EGFR: variants seen among roughly 807,000 people sequenced by gnomAD.
The protein encoded by EGFR is epidermal growth factor receptor.
Under a neutral mutation model 143.0 loss-of-function variants are expected in EGFR, and 58 were observed. The ratio of observed to expected loss-of-function variants is 0.41; its 90% confidence interval spans 0.33 to 0.50. The LOEUF (loss-of-function observed/expected upper bound fraction) is 0.50. Ranked by LOEUF, EGFR falls within the 20% of genes least tolerant of loss-of-function variation. The pLI is 0.39. For synonymous variants in EGFR, 613 were observed against 594.4 expected (o/e 1.03, Z -0.45); for missense variants, 1,307 against 1,579.0 (o/e 0.83, Z 2.92).
At chr7:55,050,697 G>A (rs980216253) in intron 1 of EGFR, among the ~76,000 whole-genome samples, 7 of 152,150 alleles carry the variant, frequency 4.6e-5, no homozygotes, top group African/African-American at 1.7e-4. Context: ...CTTCTTGCTT[G>A]TCATCCTTGG....
chr7:55,074,585 A>G (rs1790029269), intron 1 of EGFR, among the ~76,000 whole-genome samples: 1 of 152,268 alleles, frequency 6.6e-6, no homozygotes, highest in South Asian at 2.1e-4. Context: ...TATTTTAAAT[A>G]TCGTCTTGCT....
At chr7:55,138,020 T>C (rs148402130) in intron 1 of EGFR, among the ~76,000 whole-genome samples, 45 of 152,328 alleles carry the variant, frequency 3.0e-4, no homozygotes, top group Non-Finnish European at 5.6e-4. Flanking sequence ...CTCTGGTTAG[T>C]GATATACCAA....
intron 1 of EGFR, among the ~76,000 whole-genome samples, chr7:55,078,036 C>A (rs1357311830): frequency 6.6e-6 from 1 of 152,088 alleles, no homozygotes; most frequent in Non-Finnish European, 1.5e-5. Context: ...GTAAGGTACG[C>A]CCAGGAACAG....
rs188398010 is a variant in EGFR at position 55,097,312 on chromosome 7, A to G, written c.89-44974A>G. ...ATGGCCTGGATGCTCTCAGATCTAC[A>G]GGGGAAGGGAAGGTCACACAGTCAT... is the stretch of plus-strand genomic sequence containing the variant. On this transcript the variant is annotated intron_variant, in intron 1 of 27. Transcript: ENST00000275493. 2.7e-3 allele frequency among the ~76,000 whole-genome samples: 405 copies of G among 152,264 alleles called. 1 individual carries two copies. The highest frequency in any genetic ancestry group is 4.3e-3 in the Non-Finnish European group (293 of 68,022).
At chr7:55,099,138 G>A (rs7793720) in intron 1 of EGFR, among the ~76,000 whole-genome samples, 2,030 of 152,214 alleles carry the variant, frequency 0.013, 21 homozygotes, top group Non-Finnish European at 0.02. Context: ...TTCACACATC[G>A]TGGTGGTGGC....
chr7:55,167,363 TTGA>T (rs1166214415), intron 15 of EGFR, among the ~76,000 whole-genome samples: 3 of 64,536 alleles, frequency 4.6e-5, no homozygotes, highest in African/African-American at 2.1e-4. Flanking sequence ...GGTGGTGGTG[TTGA>T]TGGTGGTGAT....
At chr7:55,094,474 G>A (rs1374872856) in intron 1 of EGFR, among the ~76,000 whole-genome samples, 1 of 152,212 alleles carries the variant, frequency 6.6e-6, no homozygotes, top group Non-Finnish European at 1.5e-5. Flanking sequence ...CTAAGATGTA[G>A]GCAGTTGATC....
At chr7:55,175,708 G>T (rs918150916) in intron 19 of EGFR, among the ~76,000 whole-genome samples, 13 of 152,324 alleles carry the variant, frequency 8.5e-5, no homozygotes, top group African/African-American at 3.1e-4. Context: ...TGATCTTACA[G>T]CCAAGAAGGA....
At chr7:55,202,810 T>G in intron 27 of EGFR, 185 bp downstream of exon 27, 1 of 711,280 alleles carries the variant, frequency 1.4e-6, no homozygotes, top group Middle Eastern at 2.3e-4. Context: ...CTGCACAAGC[T>G]CTTTGTTGTG....
At chr7:55,058,586 C>A (rs1278149669) in intron 1 of EGFR, among the ~76,000 whole-genome samples, 1 of 152,086 alleles carries the variant, frequency 6.6e-6, no homozygotes, top group East Asian at 1.9e-4. Flanking sequence ...AGGTCATTAT[C>A]CTTAGCAAAC....
intron 1 of EGFR, among the ~76,000 whole-genome samples, chr7:55,056,739 C>T (rs951943694): frequency 6.6e-6 from 1 of 152,230 alleles, no homozygotes; most frequent in Non-Finnish European, 1.5e-5. Flanking sequence ...ATGAAAAACG[C>T]CAGTTGCGTA....
chr7:55,115,101 C>T (rs1030810200), intron 1 of EGFR, among the ~76,000 whole-genome samples: 2 of 151,998 alleles, frequency 1.3e-5, no homozygotes, highest in African/African-American at 2.4e-5. Flanking sequence ...GATCTCCTGA[C>T]CTCATGATCT....
intron 1 of EGFR, among the ~76,000 whole-genome samples, chr7:55,081,662 G>A (rs754334532): frequency 3.9e-5 from 6 of 152,042 alleles, no homozygotes; most frequent in Admixed American, 1.3e-4. Context: ...TGGGCGAGGA[G>A]GGGCCATCAC....
intron 1 of EGFR, among the ~76,000 whole-genome samples, chr7:55,057,709 A>T (rs967533046): frequency 6.6e-6 from 1 of 152,220 alleles, no homozygotes; most frequent in Non-Finnish European, 1.5e-5. Flanking sequence ...ATAAAATGGG[A>T]TTGAGAGGGG....
intron 1 of EGFR, among the ~76,000 whole-genome samples, chr7:55,065,353 C>T (rs953199512): frequency 3.3e-5 from 5 of 152,180 alleles, no homozygotes; most frequent in African/African-American, 4.8e-5. Flanking sequence ...AAGTGAGCTG[C>T]GCAGGGTGAG....
chr7:55,110,267 T>C (rs1792395145), intron 1 of EGFR, among the ~76,000 whole-genome samples: 1 of 152,240 alleles, frequency 6.6e-6, no homozygotes, highest in Non-Finnish European at 1.5e-5. Context: ...ATTTATGTAT[T>C]CTGTGCCAGT....
At chr7:55,025,868 G>A (rs557848721) in intron 1 of EGFR, among the ~76,000 whole-genome samples, 1 of 152,324 alleles carries the variant, frequency 6.6e-6, no homozygotes, top group South Asian at 2.1e-4. Flanking sequence ...TGTACCAGAA[G>A]TCATGTTTAT....
At chr7:55,098,615 T>C (rs183935429) in intron 1 of EGFR, among the ~76,000 whole-genome samples, 22 of 152,346 alleles carry the variant, frequency 1.4e-4, no homozygotes, top group African/African-American at 4.1e-4. Flanking sequence ...ACTGTATGCA[T>C]ATTGTTGTTA....
chr7:55,200,984 AG>A (rs1439061454), intron 24 of EGFR, among the ~76,000 whole-genome samples: 3 of 152,222 alleles, frequency 2.0e-5, no homozygotes, highest in Admixed American at 1.3e-4. Context: ...CAAGCATCAA[AG>A]GATGGTTCAT....
Sources: gnomAD v4.1 joint callset for allele counts (sites outside exome capture counted in the v4.1 genomes callset) on GRCh38, gnomAD v4.1.1 for gene constraint, MANE v1.5 for transcripts, NCBI Gene and HGNC (gene_info 2026-07-23, HGNC 2026-07-21) for gene names.